The following BRF1 variants were observed in gnomAD, a reference collection of about 807,000 sequenced individuals.
BRF1 encodes BRF1 general transcription factor IIIB subunit.
A neutral mutation model predicts 81.7 loss-of-function variants in BRF1; 59 were observed. The ratio of observed to expected loss-of-function variants is 0.72; its 90% CI spans 0.59 to 0.90. The LOEUF (loss-of-function observed/expected upper bound fraction) is 0.90. Among genes scored for constraint, BRF1 ranks in the 40% least tolerant of loss-of-function variants. The pLI is 0.00. For synonymous variants in BRF1, 491 were observed against 395.6 expected, an observed-to-expected ratio of 1.24 and a Z score of -2.86; for missense variants, 1,050 against 936.3, an observed-to-expected ratio of 1.12 and a Z score of -1.58.
rs2056664784 is a variant in BRF1 at position 105,271,734 on chromosome 14, T to A, written c.439+987A>T. Among the ~76,000 whole-genome samples the A allele has an allele frequency of 6.6e-6, 1 of 152,218 alleles. No individual in the cohort carries two copies. Among genetic ancestry groups the A allele is most frequent in the Non-Finnish European group, 1.5e-5 (1 of 68,022 alleles). On this transcript the variant is annotated intron_variant, in intron 3 of 17. Coordinates refer to ENST00000547530, the MANE Select transcript of BRF1 (RefSeq NM_001519.4). The surrounding 1 kb of genome is among the most constrained non-coding windows in gnomAD (Gnocchi z 5.5). ...CCTGACCCATGTGTGTGTCTGCAGATGGCAGCAGTGGGCACAGGACCAGAT... is the reference window on the plus strand; with the variant it reads ...CCTGACCCATGTGTGTGTCTGCAGAAGGCAGCAGTGGGCACAGGACCAGAT...
At chr14:105,249,967 C>G (rs923048525) in intron 5 of BRF1, 1 of 1,612,274 alleles carries the variant, frequency 6.2e-7, no homozygotes, top group Non-Finnish European at 8.5e-7. Context: ...TCTTCGAGGC[C>G]GTCCTGAACT....
At chr14:105,220,350 T>C (rs758277057) in intron 11 of BRF1, among the ~76,000 whole-genome samples, 4 of 152,212 alleles carry the variant, frequency 2.6e-5, no homozygotes, top group Non-Finnish European at 4.4e-5. Flanking sequence ...AACACTGAAC[T>C]GAAGCTGCAA....
chr14:105,246,972 C>T (rs1029299763), intron 5 of BRF1: 1 of 985,276 alleles, frequency 1.0e-6, no homozygotes, highest in African/African-American at 1.7e-5. Context: ...CCAAATGGAC[C>T]CACCACAACC....
At chr14:105,212,385 GA>G (rs899570567) in intron 15 of BRF1, 4 of 568,438 alleles carry the variant, frequency 7.0e-6, no homozygotes, top group Non-Finnish European at 1.2e-5. Flanking sequence ...AGCAGCACTC[GA>G]CACAAACACA....
intron 7 of BRF1, 174 bp from the exon 8 acceptor site, chr14:105,226,934 C>G: frequency 5.3e-6 from 4 of 756,098 alleles, no homozygotes; most frequent in Non-Finnish European, 6.1e-6. Context: ...CACAGTGAGA[C>G]TCTGTCTCTA....
intron 14 of BRF1, among the ~76,000 whole-genome samples, chr14:105,218,391 G>C (rs1261275870): frequency 6.6e-6 from 1 of 152,156 alleles, no homozygotes; most frequent in Non-Finnish European, 1.5e-5. Flanking sequence ...GAGTCCCTGG[G>C]CTCCTAACTC....
chr14:105,221,002 C>T (rs587655350), intron 11 of BRF1, among the ~76,000 whole-genome samples: 1 of 152,372 alleles, frequency 6.6e-6, no homozygotes, highest in South Asian at 2.1e-4. Context: ...AGGATTGTCT[C>T]TACCCCGGCC....
chr14:105,229,519 G>A (rs916588773), intron 6 of BRF1, among the ~76,000 whole-genome samples: 1 of 152,236 alleles, frequency 6.6e-6, no homozygotes, highest in Non-Finnish European at 1.5e-5. Flanking sequence ...TTCCGGAGCT[G>A]GGGTAGTTGA....
Position 105,228,851 on chromosome 14 carries a change from C to G in BRF1, c.757G>C (p.Val253Leu). The G allele has an allele frequency of 4.3e-6, 7 of 1,613,926 alleles. No individual in the cohort carries two copies. Among genetic ancestry groups the G allele is most frequent in the Non-Finnish European group, 5.9e-6 (7 of 1,180,010 alleles). ...RRTVKEVISV[V>L]KVCESTLRKR... Reference sequence around the variant, plus strand: ...CGCAGCGTGGACTCACACACTTTGACCACACTGATGACCTCCTTCACAGTC... The same window carrying G: ...CGCAGCGTGGACTCACACACTTTGAGCACACTGATGACCTCCTTCACAGTC... Residue 253 changes from valine (V) to leucine (L), a missense_variant, in exon 7 of 18, where the codon GTC becomes CTC. Val to Leu is a conservative substitution (Grantham distance 32). Around this residue, in one of 2 missense-constraint regions of BRF1, gnomAD observed 1,043 missense variants for 915.4 expected, o/e 1.14. Coordinates refer to ENST00000547530, the MANE Select transcript of BRF1 (RefSeq NM_001519.4).
intron 15 of BRF1, 109 bp from the exon 16 acceptor site, chr14:105,212,273 T>C: frequency 7.0e-7 from 1 of 1,424,114 alleles, no homozygotes; most frequent in South Asian, 1.3e-5. Flanking sequence ...ACTGTTTCTC[T>C]GTCCCTTTGG....
chr14:105,227,774 A>G (rs1893366427), intron 7 of BRF1: 1 of 152,204 alleles, frequency 6.6e-6, no homozygotes, highest in Admixed American at 6.5e-5. Flanking sequence ...ACCTTCAAAC[A>G]CGTTTCATCA....
In BRF1 at chr14:105,288,058, C is replaced by T. The variant is rs150050193; in HGVS notation, c.185-1682G>A. On this transcript the variant is annotated intron_variant, in intron 1 of 17. Coordinates refer to ENST00000547530, the MANE Select transcript of BRF1 (RefSeq NM_001519.4). ...GCCTCCAACAAAGGTGGTGCCGGGA[C>T]GGGGGCAGTGCCTGGAGACTACCTA... is the stretch of plus-strand genomic sequence containing the variant. Among the ~76,000 whole-genome samples the T allele has an allele frequency of 3.3e-3, 506 of 152,304 alleles. 3 individuals are homozygous for T. The highest frequency in any genetic ancestry group is 0.014 in the East Asian group (74 of 5,180).
intron 5 of BRF1, chr14:105,241,887 A>C (rs913210773): frequency 9.5e-6 from 2 of 210,606 alleles, no homozygotes; most frequent in Non-Finnish European, 2.0e-5. Context: ...TGGCGGTGCC[A>C]CGGGGGCTGT....
chr14:105,314,664 G>A (rs2058474787), intron 1 of BRF1: 1 of 143,572 alleles, frequency 7.0e-6, no homozygotes, highest in East Asian at 2.1e-4. Flanking sequence ...GCCGGCGCGG[G>A]TCGGAGGGCG....
intron 1 of BRF1, chr14:105,314,747 C>G (rs1047995394): frequency 4.0e-5 from 6 of 148,196 alleles, no homozygotes; most frequent in African/African-American, 1.2e-4. Context: ...GCGGAGCGGC[C>G]GCAGCTCGTC....
intron 3 of BRF1, among the ~76,000 whole-genome samples, chr14:105,258,340 T>C (rs1462058528): frequency 6.7e-6 from 1 of 149,358 alleles, no homozygotes; most frequent in African/African-American, 2.5e-5. Flanking sequence ...TACAAAAAAA[T>C]TAGCCGGGCG....
chr14:105,212,373 C>G, intron 15 of BRF1: 1 of 600,536 alleles, frequency 1.7e-6, no homozygotes, highest in Middle Eastern at 3.2e-4. Context: ...TTCTCAACAG[C>G]GAGCAGCACT....
chr14:105,270,522 C>T (rs370441938), intron 3 of BRF1, among the ~76,000 whole-genome samples: 162 of 151,734 alleles, frequency 1.1e-3, no homozygotes, highest in African/African-American at 3.8e-3. Flanking sequence ...GATGCAGTGG[C>T]TCATGCCTAT....
chr14:105,242,055 G>A (rs1214340989), intron 5 of BRF1: 2 of 152,686 alleles, frequency 1.3e-5, no homozygotes, highest in African/African-American at 2.4e-5. Flanking sequence ...ATGAGGCCGG[G>A]ATGTGACTCC....
Sources: gnomAD v4.1 joint callset for allele counts (sites outside exome capture counted in the v4.1 genomes callset) on GRCh38, gnomAD v4.1.1 for gene constraint, gnomAD v4.1.1 regional missense constraint, Gnocchi (gnomAD v3.1) non-coding constraint, MANE v1.5 for transcripts, NCBI Gene and HGNC (gene_info 2026-07-23, HGNC 2026-07-21) for gene names.